ADAM18: variants seen among roughly 807,000 people sequenced by gnomAD.
The protein encoded by ADAM18 is ADAM metallopeptidase domain 18, also known as disintegrin and metalloproteinase domain-containing protein 18.
A neutral mutation model predicts 94.4 loss-of-function variants in ADAM18; 117 were observed. That is an observed-to-expected ratio of 1.24 (90% confidence interval 1.07 to 1.45). ADAM18 has a LOEUF of 1.45. Among genes scored for constraint, ADAM18 ranks in the 40% most tolerant of loss-of-function variants. The pLI is 0.00. For missense variants in ADAM18, 936 were observed against 880.0 expected (o/e 1.06, Z -0.81); for synonymous variants, 327 against 291.6 (o/e 1.12, Z -1.24).
chr8:39,595,685 C>A (rs1231121283), intron 2 of ADAM18, among the ~76,000 whole-genome samples: 7 of 151,934 alleles, frequency 4.6e-5, no homozygotes, highest in Non-Finnish European at 1.5e-5. Flanking sequence ...CCATACCTGG[C>A]TAATTTTTTT....
At chr8:39,630,785 C>G (rs1158307572) in intron 7 of ADAM18, among the ~76,000 whole-genome samples, 1 of 151,788 alleles carries the variant, frequency 6.6e-6, no homozygotes, top group Non-Finnish European at 1.5e-5. Flanking sequence ...TGGTATGTTA[C>G]CTTTGGACAA....
intron 12 of ADAM18, among the ~76,000 whole-genome samples, chr8:39,650,516 A>C (rs1248393560): frequency 6.6e-6 from 1 of 152,218 alleles, no homozygotes; most frequent in African/African-American, 2.4e-5. Context: ...ATGAAAAAGA[A>C]ATCAAGAACA....
intron 13 of ADAM18, among the ~76,000 whole-genome samples, chr8:39,664,584 A>G (rs1820940028): frequency 6.6e-6 from 1 of 152,198 alleles, no homozygotes; most frequent in Admixed American, 6.5e-5. Context: ...ATTAACTCTC[A>G]AATAAATTAT....
At chr8:39,655,352 G>T (rs964635593) in intron 12 of ADAM18, among the ~76,000 whole-genome samples, 7 of 152,070 alleles carry the variant, frequency 4.6e-5, no homozygotes, top group Admixed American at 3.9e-4. Context: ...TTCACTAAAT[G>T]ATTAACAAAT....
chr8:39,615,778 A>G lies in ADAM18; in HGVS notation c.522+5072A>G, dbSNP rs116280393. Among the ~76,000 whole-genome samples, 1,171 of 152,296 alleles carry G rather than the reference A, an allele frequency of 7.7e-3. 10 individuals are homozygous for G. The highest frequency in any genetic ancestry group is 0.027 in the African/African-American group (1,115 of 41,568). The stretch of plus-strand genomic sequence containing the variant: ...AGAAGAGGTCAATCTCTCTCTCTTC[A>G]TGGATGATATGATTTTATACCTTGA... On this transcript the variant is annotated intron_variant, in intron 6 of 19. Transcript: ENST00000265707.
intron 6 of ADAM18, among the ~76,000 whole-genome samples, chr8:39,618,303 A>G (rs1258728929): frequency 6.6e-6 from 1 of 152,084 alleles, no homozygotes; most frequent in Non-Finnish European, 1.5e-5. Context: ...CATTCGATAT[A>G]CCAGCATTTA....
At chr8:39,648,652 G>A in intron 12 of ADAM18, 125 bp downstream of exon 12, 1 of 905,920 alleles carries the variant, frequency 1.1e-6, no homozygotes, top group Non-Finnish European at 1.6e-6. Flanking sequence ...TGAAATATGA[G>A]AAACAGGATG....
chr8:39,608,365 C>T (rs1025152932), intron 3 of ADAM18, among the ~76,000 whole-genome samples: 2 of 151,730 alleles, frequency 1.3e-5, no homozygotes, highest in African/African-American at 4.8e-5. Context: ...CTGATGCTGT[C>T]TTTATCTGCT....
At position 39,724,645 on chromosome 8, in the gene ADAM18, A is replaced by G. The variant is rs138129792; in HGVS notation, c.2177+738A>G. Among the ~76,000 whole-genome samples, 249 of 151,944 alleles carry G rather than the reference A, an allele frequency of 1.6e-3. 1 individual carries two copies. The highest frequency in any genetic ancestry group is 5.7e-3 in the African/African-American group (237 of 41,508). ...TCTTTTTCTAGTAGTTGTAAGGCCAATGCTTACATGATTGTTTTGAGATCT... is the reference window on the plus strand; with the variant it reads ...TCTTTTTCTAGTAGTTGTAAGGCCAGTGCTTACATGATTGTTTTGAGATCT... On this transcript the variant is annotated intron_variant, in intron 19 of 19. Coordinates refer to ENST00000265707, the MANE Select transcript of ADAM18 (RefSeq NM_014237.3).
At chr8:39,686,740 A>G (rs546851590) in intron 16 of ADAM18, among the ~76,000 whole-genome samples, 6 of 152,210 alleles carry the variant, frequency 3.9e-5, no homozygotes, top group Non-Finnish European at 7.3e-5. Flanking sequence ...TTATTTTCAG[A>G]CTCAGATATT....
chr8:39,665,739 CATTA>C lies in ADAM18; in HGVS notation c.1326+1856_1326+1859del, dbSNP rs763248115. Among the ~76,000 whole-genome samples, 8 of 152,222 alleles carry C rather than the reference CATTA, an allele frequency of 5.3e-5. No homozygotes were observed. The East Asian group carries it at 1.2e-3, about 22-fold the overall frequency. The stretch of plus-strand genomic sequence containing the variant: ...ACTGATTAACCATTGCTTTATGAAT[CATTA>C]ATTAATCAGGCTAATTTCATATTTC... On this transcript the variant is annotated intron_variant, in intron 13 of 19. Transcript: ENST00000265707.
intron 18 of ADAM18, among the ~76,000 whole-genome samples, chr8:39,713,966 T>A (rs1822496446): frequency 6.6e-6 from 1 of 152,194 alleles, no homozygotes; most frequent in Non-Finnish European, 1.5e-5. Flanking sequence ...TTATAAATCA[T>A]GCTACTATAA....
intron 6 of ADAM18, among the ~76,000 whole-genome samples, chr8:39,620,375 C>CAAAAAAAAAAAAAAAAACA (rs376218269): frequency 1.1e-5 from 1 of 88,796 alleles, no homozygotes; most frequent in Non-Finnish European, 2.0e-5. Flanking sequence ...AAAAAAAAAA[C>CAAAAAAAAAAAAAAAAACA]AAAAAAAAAT....
chr8:39,620,598 ATT>A (rs1306921365), intron 6 of ADAM18, among the ~76,000 whole-genome samples: 4 of 147,178 alleles, frequency 2.7e-5, no homozygotes, highest in East Asian at 3.9e-4. Flanking sequence ...TAATATATAT[ATT>A]ATATAACAAT....
rs2129579602 is a variant in ADAM18, at chr8:39,648,523, A to C, written c.1226A>C (p.Lys409Thr). The change falls in exon 12 of 20, where the codon AAA (lysine) becomes ACA (threonine). Residue 409 changes from lysine (K) to threonine (T), a missense_variant. Lys to Thr is a moderately conservative substitution (Grantham distance 78). Transcript: ENST00000265707. ...ESNEECDCGN[K>T]NECQFKKCCD... ...AATGAAGAATGTGACTGTGGTAATA[A>C]AAATGTGAGTAACAAAGATTGAAAC... The C allele has an allele frequency of 6.3e-7, 1 of 1,593,608 alleles. No individual in the cohort carries two copies. Among genetic ancestry groups the C allele is most frequent in the Non-Finnish European group, 8.5e-7 (1 of 1,171,756 alleles).
At position 39,668,197 on chromosome 8, in the gene ADAM18, G is replaced by A; in HGVS notation, c.1525+1G>A. The A allele has an allele frequency of 6.2e-7, 1 of 1,613,686 alleles. No individual in the cohort carries two copies. The highest frequency in any genetic ancestry group is 8.5e-7 in the Non-Finnish European group (1 of 1,179,662). ...CAGTGTGCCAAGATATTTGGAAAAG[G>A]TATTGCTCTTTCTTTCGTATTTATT... On this transcript the variant is annotated splice_donor_variant, in intron 14 of 19. Transcript: ENST00000265707. LOFTEE classifies it high-confidence loss of function.
At chr8:39,639,150 C>G (rs1460009072) in intron 10 of ADAM18, among the ~76,000 whole-genome samples, 1 of 151,742 alleles carries the variant, frequency 6.6e-6, no homozygotes. Flanking sequence ...TTCCACAAGT[C>G]AAAGTTTATA....
chr8:39,709,999 C>T (rs911885000), intron 18 of ADAM18, among the ~76,000 whole-genome samples: 6 of 152,212 alleles, frequency 3.9e-5, no homozygotes, highest in South Asian at 2.1e-4. Context: ...AATATCACTG[C>T]GTGTTTGATG....
chr8:39,615,384 T>G (rs778613916), intron 6 of ADAM18, among the ~76,000 whole-genome samples: 16 of 152,078 alleles, frequency 1.1e-4, no homozygotes, highest in Non-Finnish European at 2.4e-4. Context: ...AAGGCAGAAA[T>G]CAAGAAATTC....
Sources: gnomAD v4.1 joint callset for allele counts (sites outside exome capture counted in the v4.1 genomes callset) on GRCh38, gnomAD v4.1.1 for gene constraint, MANE v1.5 for transcripts, NCBI Gene and HGNC (gene_info 2026-07-23, HGNC 2026-07-21) for gene names.